SDK1: variants seen among roughly 807,000 people sequenced by gnomAD.
The protein encoded by SDK1 is sidekick cell adhesion molecule 1.
SDK1 carries 157 observed loss-of-function variants against 245.5 expected under a neutral mutation model. That is an observed-to-expected ratio of 0.64 (90% confidence interval 0.56 to 0.73). The LOEUF is 0.73. Ranked by LOEUF, SDK1 falls within the 30% of genes least tolerant of loss-of-function variation. SDK1 has a pLI of 0.00. For missense variants in SDK1, 3,583 were observed against 3,002.3 expected (o/e 1.19, Z -4.52); for synonymous variants, 1,647 against 1,278.5 (o/e 1.29, Z -6.15).
At chr7:3,390,386 TAC>T (rs1439006575) in intron 1 of SDK1, among the ~76,000 whole-genome samples, 5 of 152,230 alleles carry the variant, frequency 3.3e-5, no homozygotes, top group Admixed American at 2.0e-4. Context: ...CTGATCTAAT[TAC>T]AGTTATCGAA....
intron 1 of SDK1, among the ~76,000 whole-genome samples, chr7:3,399,712 C>G (rs1212977811): frequency 6.6e-6 from 1 of 152,050 alleles, no homozygotes; most frequent in African/African-American, 2.4e-5. Flanking sequence ...GATGATTGGA[C>G]ACAAATCCCT....
intron 22 of SDK1, among the ~76,000 whole-genome samples, chr7:4,109,040 G>A (rs1783146349): frequency 1.3e-5 from 2 of 152,198 alleles, no homozygotes; most frequent in Admixed American, 1.3e-4. Context: ...CCTGTTCCAT[G>A]GTGCAGAGTC....
intron 19 of SDK1, among the ~76,000 whole-genome samples, chr7:4,058,194 G>C (rs1257153265): frequency 1.3e-5 from 2 of 151,972 alleles, no homozygotes; most frequent in Non-Finnish European, 2.9e-5. Flanking sequence ...ATTTACCAAA[G>C]AGATAAATAT....
chr7:4,060,601 C>T (rs1267643175), intron 19 of SDK1, among the ~76,000 whole-genome samples: 2 of 152,030 alleles, frequency 1.3e-5, no homozygotes, highest in African/African-American at 4.8e-5. Context: ...TGCCTGTTCA[C>T]TCTGATGGTA....
chr7:3,345,716 C>T (rs1000223740), intron 1 of SDK1, among the ~76,000 whole-genome samples: 5 of 152,170 alleles, frequency 3.3e-5, no homozygotes, highest in South Asian at 4.1e-4. Flanking sequence ...GATGCCTTGC[C>T]GTCTCTTTCC....
At chr7:3,384,860 C>T (rs1328798411) in intron 1 of SDK1, among the ~76,000 whole-genome samples, 3 of 152,078 alleles carry the variant, frequency 2.0e-5, no homozygotes, top group East Asian at 1.9e-4. Flanking sequence ...CTGCAGTACC[C>T]GTAGTATATA....
At chr7:3,789,714 A>G (rs1464702853) in intron 4 of SDK1, among the ~76,000 whole-genome samples, 1 of 152,204 alleles carries the variant, frequency 6.6e-6, no homozygotes, top group South Asian at 2.1e-4. Context: ...CAAGAAGATC[A>G]AGTGTGAGGT....
At chr7:3,466,336 C>T (rs1476281897) in intron 1 of SDK1, among the ~76,000 whole-genome samples, 5 of 151,366 alleles carry the variant, frequency 3.3e-5, no homozygotes, top group East Asian at 1.9e-4. Context: ...CTGGATGCTG[C>T]TTCTCAAAAC....
chr7:3,811,333 A>G (rs1351638983), intron 4 of SDK1, among the ~76,000 whole-genome samples: 2 of 152,168 alleles, frequency 1.3e-5, no homozygotes, highest in African/African-American at 4.8e-5. Context: ...TCTCTATATT[A>G]AGACAGAATA....
At chr7:4,149,066 A>C (rs943565799) in intron 29 of SDK1, among the ~76,000 whole-genome samples, 196 bp from the exon 30 acceptor site, 1 of 151,376 alleles carries the variant, frequency 6.6e-6, no homozygotes, top group Non-Finnish European at 1.5e-5. Context: ...AAAACAAAAC[A>C]AAACAAAACA....
chr7:3,501,522 T>C (rs1178815185), intron 1 of SDK1, among the ~76,000 whole-genome samples: 5 of 152,176 alleles, frequency 3.3e-5, no homozygotes, highest in African/African-American at 1.2e-4. Flanking sequence ...TGTTTTTATT[T>C]CGTGCTCCTG....
At chr7:3,425,022 T>A (rs1312938317) in intron 1 of SDK1, among the ~76,000 whole-genome samples, 1 of 152,136 alleles carries the variant, frequency 6.6e-6, no homozygotes. Flanking sequence ...AATTATTTAT[T>A]AATCAATATC....
intron 2 of SDK1, among the ~76,000 whole-genome samples, chr7:3,626,577 G>A (rs1323008207): frequency 2.6e-5 from 4 of 152,166 alleles, no homozygotes; most frequent in African/African-American, 4.8e-5. Context: ...GCCTTTGTAG[G>A]GCCATGGATT....
chr7:4,035,848 C>T (rs934842210), intron 17 of SDK1, among the ~76,000 whole-genome samples: 2 of 152,052 alleles, frequency 1.3e-5, no homozygotes, highest in Non-Finnish European at 2.9e-5. Flanking sequence ...AACTCTTAGG[C>T]CAACTTGAAG....
At chr7:3,608,470 A>T (rs1488003328) in intron 1 of SDK1, among the ~76,000 whole-genome samples, 1 of 152,218 alleles carries the variant, frequency 6.6e-6, no homozygotes. Flanking sequence ...GCATCAATGA[A>T]AACAACTGAC....
chr7:3,550,547 A>G (rs1195896859), intron 1 of SDK1, among the ~76,000 whole-genome samples: 2 of 152,118 alleles, frequency 1.3e-5, no homozygotes, highest in Non-Finnish European at 2.9e-5. Context: ...TGTGCCGTGG[A>G]ATACTTCTTT....
chr7:4,027,805 G>A (rs1362984515), intron 17 of SDK1, among the ~76,000 whole-genome samples: 2 of 152,108 alleles, frequency 1.3e-5, no homozygotes, highest in Non-Finnish European at 2.9e-5. Context: ...CCTGCTGGAC[G>A]TAGTCACAGA....
intron 1 of SDK1, among the ~76,000 whole-genome samples, chr7:3,466,181 G>A (rs1357312): frequency 0.75 from 113,527 of 151,276 alleles, 42,859 homozygotes; most frequent in African/African-American, 0.83. Context: ...GAAACTACCT[G>A]CCTTTCATCG....
At chr7:3,821,904 T>A (rs1477744664) in intron 5 of SDK1, among the ~76,000 whole-genome samples, 1 of 152,230 alleles carries the variant, frequency 6.6e-6, no homozygotes. Flanking sequence ...TTAAATGAAT[T>A]GTATCCATGA....
Sources: allele counts gnomAD v4.1 joint callset (sites outside exome capture counted in the v4.1 genomes callset), GRCh38; gene constraint gnomAD v4.1.1; transcripts MANE v1.5; gene names NCBI Gene and HGNC (gene_info 2026-07-23, HGNC 2026-07-21).